HDAC8: variants seen among roughly 807,000 people sequenced by gnomAD.
HDAC8 encodes the protein histone deacetylase 8.
A neutral mutation model predicts 32.2 loss-of-function variants in HDAC8; 1 was observed. The ratio of observed to expected loss-of-function variants is 0.03; its 90% CI spans 0.01 to 0.15. HDAC8 has a LOEUF of 0.15. Among genes scored for constraint, HDAC8 ranks in the 10% least tolerant of loss-of-function variants. The pLI, the probability that HDAC8 is intolerant of heterozygous loss-of-function variation, is 1.00. For missense variants in HDAC8, 117 were observed against 300.0 expected (o/e 0.39, Z 4.51); for synonymous variants, 108 against 113.9 (o/e 0.95, Z 0.33).
intron 9 of HDAC8, among the ~76,000 whole-genome samples, chrX:72,438,157 A>G (rs782456011): frequency 8.9e-6 from 1 of 112,027 alleles, no homozygotes; most frequent in Non-Finnish European, 1.9e-5. Flanking sequence ...ACAAGCAACA[A>G]TCTTTGCTGT....
chrX:72,406,727 G>A (rs2046049000), intron 9 of HDAC8, among the ~76,000 whole-genome samples: 1 of 112,386 alleles, frequency 8.9e-6, no homozygotes, highest in Non-Finnish European at 1.9e-5. Flanking sequence ...CCAGGCCTGT[G>A]CAGTCTAACA....
intron 4 of HDAC8, 103 bp downstream of exon 4, chrX:72,567,786 C>T (rs782742792): frequency 2.5e-6 from 3 of 1,209,523 alleles, no homozygotes; most frequent in Admixed American, 2.2e-5. Context: ...GCCACATACA[C>T]ACACGTCTCT....
At chrX:72,559,923 C>A (rs9262673) in intron 4 of HDAC8, among the ~76,000 whole-genome samples, 2 of 107,634 alleles carry the variant, frequency 1.9e-5, no homozygotes, top group Non-Finnish European at 3.9e-5. Context: ...CCCCGCCAGC[C>A]GCCCCGTCCA....
In HDAC8 at chrX:72,338,979, A is replaced by G. The variant is rs1465816256; in HGVS notation, c.1112-8903T>C. Reference sequence around the variant, plus strand: ...TAAGCAGCAATAATAATAATAATAGACAACTTGCTTATTACATTTTAAAGC... The same window carrying G: ...TAAGCAGCAATAATAATAATAATAGGCAACTTGCTTATTACATTTTAAAGC... On this transcript the variant is annotated intron_variant, in intron 10 of 10. Coordinates refer to ENST00000373573, the MANE Select transcript of HDAC8 (RefSeq NM_018486.3). 2.7e-5 allele frequency among the ~76,000 whole-genome samples: 3 copies of G among 110,897 alleles called. No individual in the cohort carries two copies. In the South Asian group the frequency reaches 1.1e-3, roughly 42 times the overall value.
intron 4 of HDAC8, among the ~76,000 whole-genome samples, chrX:72,559,515 C>T (rs1436374988): frequency 4.5e-5 from 5 of 110,317 alleles, no homozygotes; most frequent in Non-Finnish European, 7.6e-5. Flanking sequence ...TGAGGAGCGT[C>T]TCTGCCTGGC....
At position 72,374,672 on chromosome X, in the gene HDAC8, CA is replaced by C. The variant is rs782421738; in HGVS notation, c.1006-22835del. ...GGGTGATGGGAGTGAAACCCTGTCT[CA>C]AAAAAAAAAAAATGTATTCTGGATA... On this transcript the variant is annotated intron_variant, in intron 9 of 10. Coordinates refer to ENST00000373573, the MANE Select transcript of HDAC8 (RefSeq NM_018486.3). Among the ~76,000 whole-genome samples the C allele has an allele frequency of 4.9e-3, 461 of 93,726 alleles. 1 individual carries two copies. The highest frequency in any genetic ancestry group is 6.8e-3 in the Non-Finnish European group (316 of 46,368). 81.4% of individuals were successfully genotyped at this position (93,726 alleles called of 115,157 possible).
intron 5 of HDAC8, among the ~76,000 whole-genome samples, chrX:72,494,864 A>G (rs2048974240): frequency 9.0e-6 from 1 of 111,360 alleles, no homozygotes; most frequent in Non-Finnish European, 1.9e-5. Context: ...GACCTGAGGG[A>G]GGTTACTGAG....
At chrX:72,559,799 GC>G (rs2051457377) in intron 4 of HDAC8, among the ~76,000 whole-genome samples, 1 of 101,786 alleles carries the variant, frequency 9.8e-6, no homozygotes, top group African/African-American at 3.7e-5. Context: ...CCCAGCAGCC[GC>G]CCGTCTGTGA....
At chrX:72,532,357 G>A (rs1234734411) in intron 4 of HDAC8, among the ~76,000 whole-genome samples, 3 of 101,263 alleles carry the variant, frequency 3.0e-5, no homozygotes, top group East Asian at 3.1e-4. Flanking sequence ...TCCTCCCAAA[G>A]TGTTGGGATT....
intron 9 of HDAC8, among the ~76,000 whole-genome samples, chrX:72,364,002 A>G (rs185035921): frequency 2.7e-5 from 3 of 111,767 alleles, no homozygotes; most frequent in African/African-American, 9.8e-5. Context: ...TTCAACAGGG[A>G]AGCAGGCCAT....
rs1436550240 is a variant in HDAC8, at chrX:72,390,441, A to AAT, written c.1006-38605_1006-38604dup. ...AAATTCACTCTTCTAGCTATTTGAA[A>AAT]ATATATAAGAAATTGTTGTTAATTA... On this transcript the variant is annotated intron_variant, in intron 9 of 10. Transcript: ENST00000373573. 3.6e-5 allele frequency among the ~76,000 whole-genome samples: 4 copies of AAT among 112,303 alleles called. No homozygotes were observed. The Admixed American group carries it at 3.8e-4, about 11-fold the overall frequency.
chrX:72,525,812 T>A (rs1184747954), intron 4 of HDAC8, among the ~76,000 whole-genome samples: 1 of 1,304 alleles, frequency 7.7e-4, no homozygotes, highest in Non-Finnish European at 1.3e-3. Context: ...AGACTCTGTC[T>A]CAAAAAAAAA....
chrX:72,545,732 T>A (rs782086593), intron 4 of HDAC8, among the ~76,000 whole-genome samples: 1 of 111,957 alleles, frequency 8.9e-6, no homozygotes, highest in Admixed American at 9.5e-5. Context: ...CAGAGAATGA[T>A]CTGGGCTACT....
At chrX:72,488,873 G>T in intron 7 of HDAC8, 60 bp downstream of exon 7, 3 of 664,355 alleles carry the variant, frequency 4.5e-6, no homozygotes, top group Admixed American at 5.8e-5. Flanking sequence ...TGTGAGATGG[G>T]GGCCATTTCA....
At chrX:72,565,853 A>T (rs782732041) in intron 4 of HDAC8, among the ~76,000 whole-genome samples, 3 of 110,213 alleles carry the variant, frequency 2.7e-5, no homozygotes, top group Non-Finnish European at 3.8e-5. Flanking sequence ...TTTTGAATTT[A>T]AAAAAAAGGC....
At chrX:72,570,636 C>T (rs1350866944) in intron 2 of HDAC8, among the ~76,000 whole-genome samples, 23 of 109,090 alleles carry the variant, frequency 2.1e-4, no homozygotes, top group Non-Finnish European at 2.9e-4. Context: ...TTAAAAATTC[C>T]CTTTAAAAGG....
At chrX:72,379,185 CTATTTATTGA>C (rs1293757717) in intron 9 of HDAC8, among the ~76,000 whole-genome samples, 4 of 111,122 alleles carry the variant, frequency 3.6e-5, no homozygotes, top group African/African-American at 9.8e-5. Flanking sequence ...AATATAATTT[CTATTTATTGA>C]TATTTATTGA....
chrX:72,567,813 A>G (rs1371782199), intron 4 of HDAC8, 76 bp downstream of exon 4: 2 of 1,209,311 alleles, frequency 1.7e-6, no homozygotes, highest in African/African-American at 1.7e-5. Context: ...ATGTCAATAC[A>G]ATAAGCATAA....
intron 9 of HDAC8, among the ~76,000 whole-genome samples, chrX:72,369,579 C>T (rs1012155085): frequency 8.9e-6 from 1 of 112,057 alleles, no homozygotes; most frequent in African/African-American, 3.2e-5. Context: ...CAGGCAGGCA[C>T]CTCCGAACTG....
Sources: gnomAD v4.1 joint callset for allele counts (sites outside exome capture counted in the v4.1 genomes callset) on GRCh38, gnomAD v4.1.1 for gene constraint, MANE v1.5 for transcripts, NCBI Gene and HGNC (gene_info 2026-07-23, HGNC 2026-07-21) for gene names.